MCPH1: variants seen among roughly 807,000 people sequenced by gnomAD.
MCPH1 encodes microcephalin 1, also known as microcephalin.
Under a neutral mutation model 84.5 loss-of-function variants are expected in MCPH1, and 104 were observed. That is an observed-to-expected ratio of 1.23 (90% CI 1.05 to 1.45). The LOEUF (loss-of-function observed/expected upper bound fraction) is 1.45. Among genes scored for constraint, MCPH1 ranks in the 40% most tolerant of loss-of-function variants. MCPH1 has a pLI of 0.00. For missense variants in MCPH1, 1,498 were observed against 1,005.7 expected (o/e 1.49, Z -6.62); for synonymous variants, 514 against 366.8 (o/e 1.40, Z -4.58).
Position 6,646,675 on chromosome 8 carries a change from C to A in MCPH1, c.*3626C>A, listed in dbSNP as rs1015909898. ...ATAATTCTTTCCTGTGGAGAGCTGTCCTGTGCACTGTAGAATGTTTAGCTG... is the reference window on the plus strand; with the variant it reads ...ATAATTCTTTCCTGTGGAGAGCTGTACTGTGCACTGTAGAATGTTTAGCTG... On this transcript the variant is annotated 3_prime_UTR_variant, in exon 14 of 14. Transcript: ENST00000344683. 1 of 152,136 alleles carries A rather than the reference C, an allele frequency of 6.6e-6. No homozygotes were observed. Among genetic ancestry groups the A allele is most frequent in the Non-Finnish European group, 1.5e-5 (1 of 68,030 alleles). 9.4% of individuals were successfully genotyped at this position (152,136 alleles called of 1,614,324 possible).
chr8:6,472,845 T>G (rs754283913), intron 9 of MCPH1, among the ~76,000 whole-genome samples: 2 of 152,170 alleles, frequency 1.3e-5, no homozygotes. Flanking sequence ...TATCAAGAAA[T>G]TTTGAATACC....
intron 11 of MCPH1, among the ~76,000 whole-genome samples, chr8:6,489,225 C>G (rs1025316096): frequency 6.6e-6 from 1 of 151,908 alleles, no homozygotes; most frequent in East Asian, 1.9e-4. Flanking sequence ...AGCCATGGTA[C>G]CTGGAAGGGA....
intron 12 of MCPH1, among the ~76,000 whole-genome samples, chr8:6,506,415 A>C (rs1813741473): frequency 6.6e-6 from 1 of 152,130 alleles, no homozygotes; most frequent in South Asian, 2.1e-4. Context: ...CTCAGTCCCT[A>C]AATCTTGATT....
chr8:6,589,700 CT>C (rs1450543255), intron 12 of MCPH1, among the ~76,000 whole-genome samples: 1 of 152,212 alleles, frequency 6.6e-6, no homozygotes, highest in Non-Finnish European at 1.5e-5. Context: ...AAGTTTTCTG[CT>C]TTTTCTTAGT....
intron 12 of MCPH1, among the ~76,000 whole-genome samples, chr8:6,588,157 G>C (rs955936340): frequency 2.6e-5 from 4 of 152,136 alleles, no homozygotes; most frequent in Non-Finnish European, 5.9e-5. Flanking sequence ...GAGGCAGGCT[G>C]ACACTGGGGC....
chr8:6,430,956 A>G (rs1209904645), intron 3 of MCPH1, among the ~76,000 whole-genome samples: 3 of 152,198 alleles, frequency 2.0e-5, no homozygotes, highest in African/African-American at 7.2e-5. Flanking sequence ...GGTGGACAGG[A>G]GAAATGGCAG....
At chr8:6,552,540 C>T (rs1823836392) in intron 12 of MCPH1, among the ~76,000 whole-genome samples, 1 of 152,138 alleles carries the variant, frequency 6.6e-6, no homozygotes, top group South Asian at 2.1e-4. Context: ...GAATTATAAC[C>T]TTTAACTAAT....
intron 3 of MCPH1, among the ~76,000 whole-genome samples, chr8:6,429,247 G>A (rs532175348): frequency 1.3e-5 from 2 of 152,246 alleles, no homozygotes; most frequent in African/African-American, 4.8e-5. Context: ...GCTTGGCCTG[G>A]TGTCCTTTGA....
At chr8:6,614,433 C>G (rs1206993803) in intron 12 of MCPH1, among the ~76,000 whole-genome samples, 1 of 152,208 alleles carries the variant, frequency 6.6e-6, no homozygotes, top group African/African-American at 2.4e-5. Flanking sequence ...TCAAATCTTA[C>G]CACAACTACG....
At chr8:6,466,427 C>T (rs1394099274) in intron 9 of MCPH1, among the ~76,000 whole-genome samples, 1 of 152,034 alleles carries the variant, frequency 6.6e-6, no homozygotes, top group Non-Finnish European at 1.5e-5. Flanking sequence ...CCTGCCTCAA[C>T]CTCCTGGGTA....
Position 6,505,276 on chromosome 8 carries a change from AC to A in MCPH1, c.2214+5348del, listed in dbSNP as rs1563305485. On this transcript the variant is annotated intron_variant, in intron 12 of 13. Coordinates refer to ENST00000344683, the MANE Select transcript of MCPH1 (RefSeq NM_024596.5). ...TTATATATGTTTTATATATATGTAT[AC>A]ATATATATGTTATATACATATATAT... Among the ~76,000 whole-genome samples, 112 of 18,440 alleles carry A rather than the reference AC, an allele frequency of 6.1e-3. 11 individuals are homozygous for A. The highest frequency in any genetic ancestry group is 0.021 in the African/African-American group (84 of 3,998). 12.1% of individuals were successfully genotyped at this position (18,440 alleles called of 152,430 possible).
rs142071946 is a variant in MCPH1, at chr8:6,617,900, AATCTATCT to A, written c.2215-3517_2215-3510del. Among the ~76,000 whole-genome samples the A allele has an allele frequency of 1.5e-3, 221 of 143,130 alleles. 1 individual carries two copies. The highest frequency in any genetic ancestry group is 4.2e-3 in the African/African-American group (161 of 37,918). 93.9% of individuals were successfully genotyped at this position (143,130 alleles called of 152,430 possible). ...CATCCATCTATCTATCTATCTATCT[AATCTATCT>A]ATCTATCTATCTATCTATCTATCTA... On this transcript the variant is annotated intron_variant, in intron 12 of 13. Coordinates refer to ENST00000344683, the MANE Select transcript of MCPH1 (RefSeq NM_024596.5).
Position 6,505,964 on chromosome 8 carries a change from C to CAT in MCPH1, c.2214+6037_2214+6038dup, listed in dbSNP as rs1163521681. 4.7e-3 allele frequency among the ~76,000 whole-genome samples: 7 copies of CAT among 1,502 alleles called. 1 individual carries two copies. The highest frequency in any genetic ancestry group is 0.011 in the Non-Finnish European group (3 of 284). 1.0% of individuals were successfully genotyped at this position (1,502 alleles called of 152,430 possible). ...TTCTTTATATATGTATATATAAAAACATACATATTCTTTGTATATATAAAA... is the reference window on the plus strand; with the variant it reads ...TTCTTTATATATGTATATATAAAAACATATACATATTCTTTGTATATATAAAA... On this transcript the variant is annotated intron_variant, in intron 12 of 13. Coordinates refer to ENST00000344683, the MANE Select transcript of MCPH1 (RefSeq NM_024596.5).
rs1286620658 is a variant in MCPH1, at chr8:6,447,182, A to G, written c.1825+1635A>G. On this transcript the variant is annotated intron_variant, in intron 8 of 13. Coordinates refer to ENST00000344683, the MANE Select transcript of MCPH1 (RefSeq NM_024596.5). ...TAAATCGAACCCTTTTATAGTAATAAAGATTCATCAATGTTTTAAACTGTC... is the reference window on the plus strand; with the variant it reads ...TAAATCGAACCCTTTTATAGTAATAGAGATTCATCAATGTTTTAAACTGTC... 2.3e-5 allele frequency: 23 copies of G among 985,388 alleles called. No homozygotes were observed. The South Asian group carries it at 9.9e-4, about 42-fold the overall frequency. 61.0% of individuals were successfully genotyped at this position (985,388 alleles called of 1,614,324 possible). A position where few individuals can be genotyped will look rare whatever the true frequency, so the allele number is the denominator to read the frequency against.
intron 12 of MCPH1, among the ~76,000 whole-genome samples, chr8:6,510,826 A>G (rs1814909231): frequency 6.6e-6 from 1 of 152,372 alleles, no homozygotes; most frequent in Admixed American, 6.5e-5. Context: ...TTCAGTATTA[A>G]GGCAGCCCTA....
chr8:6,438,714 T>C (rs1803035061), intron 5 of MCPH1, among the ~76,000 whole-genome samples: 2 of 152,206 alleles, frequency 1.3e-5, no homozygotes, highest in Non-Finnish European at 2.9e-5. Flanking sequence ...CTAATGCATA[T>C]ATTGTTCTTA....
chr8:6,608,849 C>G (rs1225258531), intron 12 of MCPH1, among the ~76,000 whole-genome samples: 3 of 152,196 alleles, frequency 2.0e-5, no homozygotes, highest in Non-Finnish European at 1.5e-5. Context: ...TTAACAATCA[C>G]TAATGCCTAG....
Position 6,530,735 on chromosome 8 carries a change from T to C in MCPH1, c.2214+30806T>C, listed in dbSNP as rs147104103. On this transcript the variant is annotated intron_variant, in intron 12 of 13. Coordinates refer to ENST00000344683, the MANE Select transcript of MCPH1 (RefSeq NM_024596.5). ...GTGGAAAGACCTGGTAGTCAAGTAA[T>C]TTGTTATTCTATTCTCTTATCTGTA... 2.2e-3 allele frequency among the ~76,000 whole-genome samples: 328 copies of C among 152,308 alleles called. 2 individuals carry two copies. Among genetic ancestry groups the C allele is most frequent in the African/African-American group, 7.3e-3 (302 of 41,558 alleles).
At chr8:6,614,720 C>G (rs1389127599) in intron 12 of MCPH1, among the ~76,000 whole-genome samples, 1 of 152,240 alleles carries the variant, frequency 6.6e-6, no homozygotes, top group African/African-American at 2.4e-5. Flanking sequence ...TTGGAAACCT[C>G]AAAACCTCGA....
Sources: allele counts gnomAD v4.1 joint callset (sites outside exome capture counted in the v4.1 genomes callset), GRCh38; gene constraint gnomAD v4.1.1; transcripts MANE v1.5; gene names NCBI Gene and HGNC (gene_info 2026-07-23, HGNC 2026-07-21).